The following SNX25 variants were observed in gnomAD, a reference collection of about 807,000 sequenced individuals.
The protein encoded by SNX25 is sorting nexin 25.
In SNX25, 62 loss-of-function variants were observed where a neutral mutation model predicts 113.7. The ratio of observed to expected loss-of-function variants is 0.55; its 90% CI spans 0.44 to 0.67. The LOEUF is 0.67. SNX25 is among the 30% of genes least tolerant of loss of function. The probability of loss-of-function intolerance (pLI) is 0.00; values close to 1 mark genes in which losing one functional copy is unlikely to be tolerated. For missense variants in SNX25, 1,014 were observed against 1,161.0 expected, an observed-to-expected ratio of 0.87 and a Z score of 1.84; for synonymous variants, 421 against 436.2, an observed-to-expected ratio of 0.97 and a Z score of 0.43.
At position 185,309,540 on chromosome 4, in the gene SNX25, G is replaced by A. The variant is rs144367988; in HGVS notation, c.1163-1095G>A. Among the ~76,000 whole-genome samples the A allele has an allele frequency of 7.0e-3, 1,062 of 152,100 alleles. 6 individuals carry two copies. The highest frequency in any genetic ancestry group is 0.011 in the Non-Finnish European group (757 of 67,976). Reference sequence around the variant, plus strand: ...TCCAGTGTTTCTAGCTTAGTAATTGGCCCCACCATCCCTCTGGCTTCTCAT... The same window carrying A: ...TCCAGTGTTTCTAGCTTAGTAATTGACCCCACCATCCCTCTGGCTTCTCAT... On this transcript the variant is annotated intron_variant, in intron 6 of 18. Transcript: ENST00000652585.
At chr4:185,246,024 C>T (rs867094673) in intron 1 of SNX25, among the ~76,000 whole-genome samples, 5 of 152,118 alleles carry the variant, frequency 3.3e-5, no homozygotes, top group African/African-American at 1.2e-4. Flanking sequence ...CGGTGGCTCA[C>T]GCCTGTAATC....
At chr4:185,373,528 A>G (rs190635685), downstream of SNX25, among the ~76,000 whole-genome samples, 116 of 152,364 alleles carry the variant, frequency 7.6e-4, no homozygotes, top group African/African-American at 2.7e-3. Context: ...CGCTGTATGT[A>G]GGCTCAAGCA....
intron 1 of SNX25, among the ~76,000 whole-genome samples, chr4:185,246,420 C>G (rs1163702226): frequency 6.6e-6 from 1 of 152,166 alleles, no homozygotes; most frequent in Non-Finnish European, 1.5e-5. Flanking sequence ...ATAGGTATGT[C>G]CTTTCTGCTG....
At position 185,323,820 on chromosome 4, in the gene SNX25, C is replaced by T. The variant is rs778188134; in HGVS notation, c.1749+20C>T. 44 of 1,607,492 alleles carry T rather than the reference C, an allele frequency of 2.7e-5. No individual in the cohort carries two copies. Among genetic ancestry groups the T allele is most frequent in the Non-Finnish European group, 3.6e-5 (42 of 1,178,704 alleles). ...GAGATGGTGAGTCACATTTAACTTT[C>T]TGCTCCTTTTTATTGGATAAGCTTT... On this transcript the variant is annotated intron_variant, in intron 9 of 18. Transcript: ENST00000652585.
At chr4:185,289,877 C>A (rs1197316187) in intron 6 of SNX25, among the ~76,000 whole-genome samples, 1 of 152,106 alleles carries the variant, frequency 6.6e-6, no homozygotes, top group Non-Finnish European at 1.5e-5. Context: ...TTAAAAAGTG[C>A]AAGCTGGGTG....
intron 16 of SNX25, among the ~76,000 whole-genome samples, chr4:185,358,023 C>T (rs576053200): frequency 3.3e-5 from 5 of 152,296 alleles, no homozygotes; most frequent in African/African-American, 4.8e-5. Context: ...TTAATCATGA[C>T]GACGAGTTTG....
intron 5 of SNX25, among the ~76,000 whole-genome samples, chr4:185,278,896 A>G (rs1044588139): frequency 4.6e-5 from 7 of 152,190 alleles, no homozygotes; most frequent in Non-Finnish European, 1.0e-4. Context: ...AGATATGGAT[A>G]GCACAGCAAA....
chr4:185,218,940 A>C (rs2126330349), intron 1 of SNX25, among the ~76,000 whole-genome samples: 1 of 152,256 alleles, frequency 6.6e-6, no homozygotes, highest in South Asian at 2.1e-4. Context: ...ATCCTCTTGC[A>C]GTACTCCTAC....
chr4:185,346,754 C>A, intron 13 of SNX25, 104 bp downstream of exon 13: 3 of 695,918 alleles, frequency 4.3e-6, no homozygotes, highest in South Asian at 2.1e-5. Flanking sequence ...TTCTCACAAG[C>A]CATGCTAGAT....
chr4:185,269,701 G>A (rs1490705550), intron 5 of SNX25, among the ~76,000 whole-genome samples: 3 of 152,140 alleles, frequency 2.0e-5, no homozygotes, highest in Non-Finnish European at 4.4e-5. Context: ...ATAGTTAATG[G>A]AGGAAACAGA....
chr4:185,309,908 C>T (rs1198180389), intron 6 of SNX25, among the ~76,000 whole-genome samples: 1 of 152,226 alleles, frequency 6.6e-6, no homozygotes, highest in East Asian at 1.9e-4. Context: ...AGGCTGTGCA[C>T]CTCATGGCTT....
chr4:185,263,789 C>G (rs1440180282), intron 3 of SNX25, among the ~76,000 whole-genome samples: 1 of 152,164 alleles, frequency 6.6e-6, no homozygotes, highest in African/African-American at 2.4e-5. Context: ...GAATCACTAT[C>G]AAGATACTAT....
intron 7 of SNX25, among the ~76,000 whole-genome samples, chr4:185,315,519 G>A (rs2095066513): frequency 6.6e-6 from 1 of 151,974 alleles, no homozygotes; most frequent in Admixed American, 6.6e-5. Flanking sequence ...GTCTCAACCT[G>A]CTAAGTTCAG....
downstream of SNX25, chr4:185,366,409 C>T (rs2095388247): frequency 6.6e-6 from 1 of 152,164 alleles, no homozygotes; most frequent in Non-Finnish European, 1.5e-5. Context: ...TTTTATTACA[C>T]ATTCTGCATA....
At position 185,311,969 on chromosome 4, in the gene SNX25, A is replaced by G. The variant is rs2095034562; in HGVS notation, c.1344+1153A>G. Reference sequence around the variant, plus strand: ...TATTAGCAAAATAAAATAAAATAAAATAAAATTTTTGAGATACTGGCATTG... The same window carrying G: ...TATTAGCAAAATAAAATAAAATAAAGTAAAATTTTTGAGATACTGGCATTG... On this transcript the variant is annotated intron_variant, in intron 7 of 18. Transcript: ENST00000652585. Among the ~76,000 whole-genome samples the G allele has an allele frequency of 2.0e-5, 3 of 152,222 alleles. No homozygotes were observed. In the South Asian group the frequency reaches 6.2e-4, roughly 32 times the overall value.
At chr4:185,368,795 GTTT>G (rs34691416), downstream of SNX25, among the ~76,000 whole-genome samples, 3 of 133,074 alleles carry the variant, frequency 2.3e-5, no homozygotes, top group Non-Finnish European at 3.2e-5. Context: ...AATCTGTTTT[GTTT>G]TTTTTTTTTT....
rs1365836488 is a variant in SNX25, at chr4:185,362,145, G to A, written c.2833+40G>A. 2.6e-6 allele frequency: 4 copies of A among 1,556,352 alleles called. No individual in the cohort carries two copies. In the Admixed American group the frequency reaches 7.7e-5, roughly 30 times the overall value. ...ATTAGCCTGAAAAGCATAGAGATCT[G>A]AGGGAATGTGAACCCCACTGAGGTG... On this transcript the variant is annotated intron_variant, in intron 17 of 18. Transcript: ENST00000652585.
chr4:185,351,343 A>T lies in SNX25; in HGVS notation c.2302-102A>T, dbSNP rs544109587. 1,604 of 1,247,068 alleles carry T rather than the reference A, an allele frequency of 1.3e-3. 5 individuals carry two copies. Among genetic ancestry groups the T allele is most frequent in the Middle Eastern group, 1.6e-3 (6 of 3,786 alleles). 77.3% of individuals were successfully genotyped at this position (1,247,068 alleles called of 1,614,324 possible). Reference sequence around the variant, plus strand: ...GGTTTTCGGTTCAGAAGTCTGATGAAAGTAAATTCGTGACAGCTCTGCCTC... The same window carrying T: ...GGTTTTCGGTTCAGAAGTCTGATGATAGTAAATTCGTGACAGCTCTGCCTC... On this transcript the variant is annotated intron_variant, in intron 13 of 18. Transcript: ENST00000652585.
chr4:185,250,987 A>ATGTTT (rs2126496969), intron 2 of SNX25, among the ~76,000 whole-genome samples: 1 of 152,038 alleles, frequency 6.6e-6, no homozygotes, highest in Non-Finnish European at 1.5e-5. Context: ...TAGTTCAATA[A>ATGTTT]TGTTTTGTTG....
Sources: allele counts gnomAD v4.1 joint callset (sites outside exome capture counted in the v4.1 genomes callset), GRCh38; gene constraint gnomAD v4.1.1; transcripts MANE v1.5; gene names NCBI Gene and HGNC (gene_info 2026-07-23, HGNC 2026-07-21).